The following ALX4 variants were observed in gnomAD, a reference collection of about 807,000 sequenced individuals.
The protein encoded by ALX4 is ALX homeobox 4, also known as homeobox protein aristaless-like 4.
A neutral mutation model predicts 40.6 loss-of-function variants in ALX4; 22 were observed. The observed-to-expected ratio is 0.54, with a 90% CI of 0.39 to 0.77. ALX4 has a LOEUF of 0.77. ALX4 is among the 30% of genes least tolerant of loss of function. The pLI, the probability that ALX4 is intolerant of heterozygous loss-of-function variation, is 0.00. For missense variants in ALX4, 556 were observed against 564.8 expected (o/e 0.98, Z 0.16); for synonymous variants, 266 against 240.5 (o/e 1.11, Z -0.98).
intron 1 of ALX4, among the ~76,000 whole-genome samples, chr11:44,285,566 A>G (rs1261130806): frequency 1.3e-5 from 2 of 152,248 alleles, no homozygotes; most frequent in Non-Finnish European, 2.9e-5. Context: ...GTCTTCCAGA[A>G]ACATGTAATG....
chr11:44,275,790 G>T, intron 1 of ALX4, 132 bp from the exon 2 acceptor site: 1 of 853,114 alleles, frequency 1.2e-6, no homozygotes, highest in Non-Finnish European at 1.8e-6. Flanking sequence ...TGGATGCGAG[G>T]TCCGGAGACT....
intron 1 of ALX4, among the ~76,000 whole-genome samples, chr11:44,278,230 G>C (rs911594734): frequency 6.6e-6 from 1 of 152,062 alleles, no homozygotes; most frequent in Admixed American, 6.5e-5. Context: ...CTGAGAGTTG[G>C]TATGGACCAG....
intron 1 of ALX4, among the ~76,000 whole-genome samples, chr11:44,300,248 T>G (rs1311182273): frequency 6.6e-6 from 1 of 152,142 alleles, no homozygotes; most frequent in Non-Finnish European, 1.5e-5. Context: ...CCCCAAGGCC[T>G]CTGAAACCAC....
chr11:44,291,433 G>GTTT (rs1956368683), intron 1 of ALX4, among the ~76,000 whole-genome samples: 4 of 144,044 alleles, frequency 2.8e-5, no homozygotes, highest in African/African-American at 7.7e-5. Context: ...TTTGGAGACA[G>GTTT]GGTCTTGCTC....
chr11:44,306,291 C>T (rs937614891), intron 1 of ALX4, among the ~76,000 whole-genome samples: 1 of 152,190 alleles, frequency 6.6e-6, no homozygotes, highest in Non-Finnish European at 1.5e-5. Flanking sequence ...GCTTGCAGCC[C>T]GGGAGGGTTT....
intron 1 of ALX4, among the ~76,000 whole-genome samples, chr11:44,277,166 T>A (rs972411336): frequency 1.3e-5 from 2 of 152,214 alleles, no homozygotes. Context: ...GAGGCTAGTG[T>A]GCTAGCTATG....
intron 1 of ALX4, among the ~76,000 whole-genome samples, chr11:44,283,723 C>T (rs1297787661): frequency 6.8e-6 from 1 of 147,668 alleles, no homozygotes; most frequent in African/African-American, 2.4e-5. Context: ...GCCACCACAC[C>T]CCGCTCATTT....
chr11:44,275,579 G>A lies in ALX4; in HGVS notation c.546C>T (p.Val182=). 1 of 1,614,120 alleles carries A rather than the reference G, an allele frequency of 6.2e-7. No individual in the cohort carries two copies. The highest frequency in any genetic ancestry group is 8.5e-7 in the Non-Finnish European group (1 of 1,180,000). Residue 182 remains valine (V), a synonymous_variant, in exon 2 of 4, where the codon GTC becomes GTT. Coordinates refer to ENST00000652299, the MANE Select transcript of ALX4 (RefSeq NM_021926.4). The part of the protein sequence containing the change: ...TVGMDSSYLS[V]KEAGVKGPQD... ...GGGGCCCCTTCACCCCAGCCTCCTTGACACTCAGGTAGCTGCTGTCCATCC... is the reference window on the plus strand; with the variant it reads ...GGGGCCCCTTCACCCCAGCCTCCTTAACACTCAGGTAGCTGCTGTCCATCC...
At chr11:44,302,464 C>A (rs771556614) in intron 1 of ALX4, among the ~76,000 whole-genome samples, 1 of 152,214 alleles carries the variant, frequency 6.6e-6, no homozygotes, top group Non-Finnish European at 1.5e-5. Flanking sequence ...TTCCAGCCAG[C>A]GAACATTTGT....
At chr11:44,291,434 G>T (rs993153995) in intron 1 of ALX4, among the ~76,000 whole-genome samples, 5 of 150,918 alleles carry the variant, frequency 3.3e-5, no homozygotes, top group African/African-American at 1.2e-4. Context: ...TTGGAGACAG[G>T]GTCTTGCTCT....
At chr11:44,289,123 AG>A (rs1469463831) in intron 1 of ALX4, among the ~76,000 whole-genome samples, 3 of 152,228 alleles carry the variant, frequency 2.0e-5, no homozygotes, top group Non-Finnish European at 4.4e-5. Context: ...CAGACACGGC[AG>A]GGCCCACAGA....
intron 2 of ALX4, among the ~76,000 whole-genome samples, chr11:44,270,946 A>C (rs1956243159): frequency 6.6e-6 from 1 of 152,192 alleles, no homozygotes; most frequent in South Asian, 2.1e-4. Flanking sequence ...CAGAGATTGG[A>C]ATCCCAGACA....
Position 44,275,609 on chromosome 11 carries a change from A to G in ALX4, c.516T>C (p.Thr172=). The G allele has an allele frequency of 6.2e-7, 1 of 1,613,734 alleles. No individual in the cohort carries two copies. The highest frequency in any genetic ancestry group is 8.5e-7 in the Non-Finnish European group (1 of 1,179,776). The change falls in exon 2 of 4, where the codon ACT becomes ACC. Residue 172 remains threonine, a synonymous_variant. Transcript: ENST00000652299. The part of the protein sequence containing the change: ...GEPELPPDSD[T]VGMDSSYLSV... The stretch of plus-strand genomic sequence containing the variant: ...TCAGGTAGCTGCTGTCCATCCCCAC[A>G]GTGTCAGAGTCAGGGGGTAACTCTG...
At chr11:44,305,797 GGA>G (rs1314275152) in intron 1 of ALX4, among the ~76,000 whole-genome samples, 2 of 152,252 alleles carry the variant, frequency 1.3e-5, no homozygotes, top group Non-Finnish European at 2.9e-5. Context: ...GTGGGTGGAC[GGA>G]GAGGTAACAA....
chr11:44,309,885 C>T lies in ALX4; in HGVS notation c.178G>A (p.Ala60Thr). The stretch of plus-strand genomic sequence containing the variant: ...GCGCCGTAACGGGCCCGGCTCTTGG[C>T]GTCCCCGAATCCCTGTGCTTTGGCG... ...AAAKAQGFGD[A>T]KSRARYGAGQ... The change falls in exon 1 of 4, where the codon GCC becomes ACC. Residue 60 changes from alanine (A) to threonine (T), a missense_variant. By Grantham distance (58) the Ala-to-Thr change is moderately conservative. Coordinates refer to ENST00000652299, the MANE Select transcript of ALX4 (RefSeq NM_021926.4). 1 of 1,578,278 alleles carries T rather than the reference C, an allele frequency of 6.3e-7. No individual in the cohort carries two copies. The highest frequency in any genetic ancestry group is 8.6e-7 in the Non-Finnish European group (1 of 1,161,362).
chr11:44,308,159 G>T (rs1185324593), intron 1 of ALX4, among the ~76,000 whole-genome samples: 1 of 152,214 alleles, frequency 6.6e-6, no homozygotes, highest in Non-Finnish European at 1.5e-5. Flanking sequence ...ATGTGTTCTT[G>T]GGGTATGACC....
intron 2 of ALX4, 68 bp from the exon 3 acceptor site, chr11:44,267,690 G>T: frequency 6.2e-7 from 1 of 1,607,522 alleles, no homozygotes. Flanking sequence ...CTTTCAGGCA[G>T]TGCAAACTGT....
Position 44,267,627 on chromosome 11 carries a change from A to G in ALX4, c.778-5T>C, listed in dbSNP as rs756296886. On this transcript the variant is annotated splice_region_variant and splice_polypyrimidine_tract_variant and intron_variant, in intron 2 of 3. Coordinates refer to ENST00000652299, the MANE Select transcript of ALX4 (RefSeq NM_021926.4). ...CCTTCGGTTCTGGAACCAGACCTAC[A>G]AGACGCGAAAAAGCCATTGTCACCA... is the stretch of plus-strand genomic sequence containing the variant. The G allele has an allele frequency of 3.7e-6, 6 of 1,614,004 alleles. No individual in the cohort carries two copies. The Admixed American group carries it at 5.0e-5, about 13-fold the overall frequency.
intron 1 of ALX4, among the ~76,000 whole-genome samples, chr11:44,289,128 C>A (rs566397494): frequency 6.6e-5 from 10 of 152,174 alleles, no homozygotes; most frequent in Non-Finnish European, 1.5e-4. Flanking sequence ...ACGGCAGGGC[C>A]CACAGAAAGG....
Sources: gnomAD v4.1 joint callset for allele counts (sites outside exome capture counted in the v4.1 genomes callset) on GRCh38, gnomAD v4.1.1 for gene constraint, MANE v1.5 for transcripts, NCBI Gene and HGNC (gene_info 2026-07-23, HGNC 2026-07-21) for gene names.